Variants in RBM44 observed in about 807,000 individuals in gnomAD.
RBM44 encodes RNA binding motif protein 44, also known as RNA-binding protein 44.
In RBM44, 66 loss-of-function variants were observed where a neutral mutation model predicts 105.1. The observed-to-expected ratio is 0.63, with a 90% CI of 0.52 to 0.77. RBM44 has a LOEUF of 0.77. RBM44 is among the 30% of genes least tolerant of loss of function. The probability of loss-of-function intolerance (pLI) is 0.00; values close to 1 mark genes in which losing one functional copy is unlikely to be tolerated. For missense variants in RBM44, 1,122 were observed against 1,207.8 expected (o/e 0.93, Z 1.05); for synonymous variants, 365 against 417.6 (o/e 0.87, Z 1.54).
chr2:237,802,229 C>T (rs1423927978), intron 1 of RBM44, among the ~76,000 whole-genome samples: 9 of 152,270 alleles, frequency 5.9e-5, no homozygotes, highest in African/African-American at 2.2e-4. Context: ...TCAAAATATC[C>T]AGATTGTAGG....
chr2:237,819,424 G>A (rs1265158164), intron 4 of RBM44, among the ~76,000 whole-genome samples: 1 of 152,046 alleles, frequency 6.6e-6, no homozygotes, highest in East Asian at 1.9e-4. Flanking sequence ...AAGTGGGAGG[G>A]AGAGAAACAG....
At chr2:237,806,709 G>C (rs527283011) in intron 1 of RBM44, among the ~76,000 whole-genome samples, 1 of 152,210 alleles carries the variant, frequency 6.6e-6, no homozygotes, top group East Asian at 1.9e-4. Flanking sequence ...CCAGAAATCT[G>C]CAGGGGGACT....
At chr2:237,819,936 T>TACCAA (rs1463050350) in intron 4 of RBM44, among the ~76,000 whole-genome samples, 5 of 151,930 alleles carry the variant, frequency 3.3e-5, no homozygotes, top group African/African-American at 4.8e-5. Flanking sequence ...CCTTTTTTGG[T>TACCAA]AAAAGAAAGT....
intron 2 of RBM44, among the ~76,000 whole-genome samples, chr2:237,815,360 A>G (rs779303894): frequency 3.3e-5 from 5 of 152,106 alleles, no homozygotes; most frequent in Non-Finnish European, 7.4e-5. Flanking sequence ...CTTGCCCAGA[A>G]TTGAACTCAT....
chr2:237,810,027 A>T (rs1363991278), intron 1 of RBM44, among the ~76,000 whole-genome samples: 2 of 152,246 alleles, frequency 1.3e-5, no homozygotes, highest in Non-Finnish European at 2.9e-5. Context: ...ATTATTTTTA[A>T]AAAAGGCAGA....
chr2:237,836,778 C>CAA (rs71039782), intron 15 of RBM44, among the ~76,000 whole-genome samples: 70 of 87,910 alleles, frequency 8.0e-4, no homozygotes, highest in South Asian at 2.3e-3. Context: ...GACTCCGTCT[C>CAA]AAAAAAAAAA....
At chr2:237,804,153 C>T (rs1055660275) in intron 1 of RBM44, among the ~76,000 whole-genome samples, 41 of 152,268 alleles carry the variant, frequency 2.7e-4, no homozygotes, top group Non-Finnish European at 4.1e-4. Flanking sequence ...TATAGGCGTG[C>T]GCCACCACGC....
chr2:237,802,661 T>C (rs915469389), intron 1 of RBM44, among the ~76,000 whole-genome samples: 1 of 152,192 alleles, frequency 6.6e-6, no homozygotes, highest in African/African-American at 2.4e-5. Flanking sequence ...ATCCCCCTTT[T>C]GGAAATTGTA....
intron 6 of RBM44, 32 bp downstream of exon 6, chr2:237,821,286 T>G: frequency 6.4e-7 from 1 of 1,552,166 alleles, no homozygotes; most frequent in African/African-American, 1.4e-5. Flanking sequence ...ATAAAAAATT[T>G]TACTTCATTT....
chr2:237,812,614 A>G (rs977476561), intron 1 of RBM44, among the ~76,000 whole-genome samples: 1 of 152,196 alleles, frequency 6.6e-6, no homozygotes, highest in Non-Finnish European at 1.5e-5. Flanking sequence ...TTAAAACAAA[A>G]TGAATTCCTT....
At chr2:237,811,228 C>T (rs2061655121) in intron 1 of RBM44, among the ~76,000 whole-genome samples, 1 of 152,104 alleles carries the variant, frequency 6.6e-6, no homozygotes, top group South Asian at 2.1e-4. Context: ...ATTCCCTTAT[C>T]CCTTCGATGC....
chr2:237,818,963 C>T lies in RBM44; in HGVS notation c.1736+4C>T. 3 of 1,423,290 alleles carry T rather than the reference C, an allele frequency of 2.1e-6. No individual in the cohort carries two copies. The highest frequency in any genetic ancestry group is 2.9e-6 in the Non-Finnish European group (3 of 1,040,030). 88.2% of individuals were successfully genotyped at this position (1,423,290 alleles called of 1,614,324 possible). A position where few individuals can be genotyped will look rare whatever the true frequency, so the allele number is the denominator to read the frequency against. ...ACCTAAAGAAACATCCTGAGAGGTA[C>T]ATCATTTATATATGCTTACAGATAC... On this transcript the variant is annotated splice_donor_region_variant and intron_variant, in intron 4 of 15. Transcript: ENST00000316997. The surrounding 1 kb of genome is among the most constrained non-coding windows in gnomAD (Gnocchi z 4.6).
chr2:237,825,019 T>C (rs1459351345), intron 10 of RBM44, among the ~76,000 whole-genome samples: 1 of 152,078 alleles, frequency 6.6e-6, no homozygotes, highest in East Asian at 1.9e-4. Context: ...TGTTTTTTCC[T>C]GCTTGTCTAA....
Position 237,829,482 on chromosome 2 carries a change from G to C in RBM44, c.2866G>C (p.Glu956Gln). ...PRQLGSEQDS[E>Q]VFPSDQGVKK... ...GCAGCTGGGTTCTGAGCAAGACAGT[G>C]AGGTTTTCCCTTCCGACCAGGTTAG... Residue 956 changes from glutamate (E) to glutamine (Q), a missense_variant, in exon 13 of 16, where the codon GAG becomes CAG. By Grantham distance (29) the Glu-to-Gln change is conservative. Coordinates refer to ENST00000316997, the MANE Select transcript of RBM44 (RefSeq NM_001080504.3). 1 of 1,612,356 alleles carries C rather than the reference G, an allele frequency of 6.2e-7. No homozygotes were observed. Among genetic ancestry groups the C allele is most frequent in the South Asian group, 1.1e-5 (1 of 90,812 alleles).
chr2:237,812,568 AT>A (rs1203261722), intron 1 of RBM44, among the ~76,000 whole-genome samples: 1 of 152,164 alleles, frequency 6.6e-6, no homozygotes, highest in Non-Finnish European at 1.5e-5. Flanking sequence ...CATTTAGATG[AT>A]TTTTTTCAGG....
At chr2:237,837,310 A>ACGC (rs1177519966) in intron 15 of RBM44, among the ~76,000 whole-genome samples, 1 of 152,204 alleles carries the variant, frequency 6.6e-6, no homozygotes, top group Non-Finnish European at 1.5e-5. Flanking sequence ...TTTAAGAAAT[A>ACGC]CATTTCATAA....
intron 13 of RBM44, among the ~76,000 whole-genome samples, chr2:237,833,308 T>C (rs2061920820): frequency 6.6e-6 from 1 of 152,190 alleles, no homozygotes; most frequent in African/African-American, 2.4e-5. Context: ...CATCGAGGCT[T>C]TAAAGTCTGA....
At chr2:237,836,280 A>G (rs2061958648) in intron 15 of RBM44, among the ~76,000 whole-genome samples, 1 of 152,108 alleles carries the variant, frequency 6.6e-6, no homozygotes, top group Admixed American at 6.5e-5. Context: ...GGATGACAAC[A>G]CATCTGTTTA....
rs1403984241 is a variant in RBM44, at chr2:237,803,406, G to A, written c.-19+4545G>A. Among the ~76,000 whole-genome samples the A allele has an allele frequency of 6.6e-6, 1 of 152,114 alleles. No individual in the cohort carries two copies. The highest frequency in any genetic ancestry group is 1.9e-4 in the East Asian group (1 of 5,194). ...TTTAAGCCATTCTAATGAATGTGAA[G>A]TGGTACCGTGGTTGTTTAAATTTGC... On this transcript the variant is annotated intron_variant, in intron 1 of 15. Transcript: ENST00000316997. The surrounding 1 kb of genome is among the most constrained non-coding windows in gnomAD (Gnocchi z 4.2).
Sources: gnomAD v4.1 joint callset for allele counts (sites outside exome capture counted in the v4.1 genomes callset) on GRCh38, gnomAD v4.1.1 for gene constraint, Gnocchi (gnomAD v3.1) non-coding constraint, MANE v1.5 for transcripts, NCBI Gene and HGNC (gene_info 2026-07-23, HGNC 2026-07-21) for gene names.